DMD: variants seen among roughly 807,000 people sequenced by gnomAD.
DMD encodes the protein mutant dystrophin.
Under a neutral mutation model 330.1 loss-of-function variants are expected in DMD, and 63 were observed. That is an observed-to-expected ratio of 0.19 (90% CI 0.16 to 0.24). The LOEUF (loss-of-function observed/expected upper bound fraction) is 0.24, where lower values mean the gene tolerates loss of function less well. DMD is among the 10% of genes least tolerant of loss of function. DMD has a pLI of 1.00. For synonymous variants in DMD, 1,223 were observed against 959.8 expected, an observed-to-expected ratio of 1.27 and a Z score of -5.07; for missense variants, 3,344 against 2,684.1, an observed-to-expected ratio of 1.25 and a Z score of -5.43.
intron 16 of DMD, among the ~76,000 whole-genome samples, chrX:32,557,293 G>T (rs908894270): frequency 2.7e-5 from 3 of 110,762 alleles, no homozygotes; most frequent in Non-Finnish European, 5.7e-5. Flanking sequence ...CCTTTTAAGG[G>T]GTGTGTATTT....
chrX:32,930,327 C>G (rs1429565938), intron 2 of DMD, among the ~76,000 whole-genome samples: 3 of 110,069 alleles, frequency 2.7e-5, no homozygotes, highest in Non-Finnish European at 5.7e-5. Flanking sequence ...TGTCGGGGAC[C>G]ATCTCTGTAC....
intron 50 of DMD, among the ~76,000 whole-genome samples, chrX:31,811,301 G>C (rs2092449144): frequency 8.9e-6 from 1 of 112,230 alleles, no homozygotes; most frequent in South Asian, 3.7e-4. Context: ...TAACCAGTGA[G>C]CATTGTTGAA....
At chrX:32,001,674 A>T (rs1026582891) in intron 44 of DMD, among the ~76,000 whole-genome samples, 1 of 111,730 alleles carries the variant, frequency 9.0e-6, no homozygotes, top group East Asian at 2.8e-4. Flanking sequence ...TATTGGAGGT[A>T]AAAATCAAAT....
chrX:32,984,024 G>A (rs1017074373), intron 2 of DMD, among the ~76,000 whole-genome samples: 2 of 110,633 alleles, frequency 1.8e-5, no homozygotes, highest in Non-Finnish European at 3.8e-5. Flanking sequence ...GTCCTTTACC[G>A]TTTTTTTTAA....
In DMD at chrX:31,233,890, G is replaced by T. The variant is rs186338488; in HGVS notation, c.9287-10769C>A. 2.5e-3 allele frequency among the ~76,000 whole-genome samples: 274 copies of T among 111,023 alleles called. 3 individuals are homozygous for T. Among genetic ancestry groups the T allele is most frequent in the Admixed American group, 0.018 (190 of 10,465 alleles). The stretch of plus-strand genomic sequence containing the variant: ...AATTTAGTCTGCAGACTCTTTTTTT[G>T]TGTGTGTGTGTGTTTGATTCGTTGG... On this transcript the variant is annotated intron_variant, in intron 63 of 78. Transcript: ENST00000357033.
chrX:33,331,393 T>C (rs971790380), intron 1 of DMD, among the ~76,000 whole-genome samples: 2 of 112,074 alleles, frequency 1.8e-5, no homozygotes, highest in African/African-American at 6.5e-5. Flanking sequence ...TCACTTTCAA[T>C]AATCCAGCTT....
intron 43 of DMD, among the ~76,000 whole-genome samples, chrX:32,229,769 C>T (rs1420216529): frequency 2.2e-5 from 2 of 90,452 alleles, no homozygotes; most frequent in Non-Finnish European, 4.3e-5. Flanking sequence ...ACAAAACCAT[C>T]GCCACCATGA....
chrX:32,431,397 G>A (rs2098237665), intron 29 of DMD, among the ~76,000 whole-genome samples: 1 of 111,023 alleles, frequency 9.0e-6, no homozygotes, highest in Admixed American at 9.6e-5. Flanking sequence ...GAGCTCAACT[G>A]CTCATTTTTA....
chrX:32,543,625 A>C (rs186547730), intron 17 of DMD, among the ~76,000 whole-genome samples: 139 of 112,225 alleles, frequency 1.2e-3, no homozygotes, highest in African/African-American at 4.0e-3. Flanking sequence ...AGGAATAATA[A>C]AAGAAATTCA....
chrX:31,208,819 C>T (rs747672138), intron 65 of DMD, among the ~76,000 whole-genome samples: 10 of 109,249 alleles, frequency 9.2e-5, no homozygotes, highest in Non-Finnish European at 1.9e-4. Context: ...ATTCCTTCTG[C>T]TCCCTTCTTC....
At chrX:33,321,367 G>A (rs978661904) in intron 1 of DMD, among the ~76,000 whole-genome samples, 1 of 111,087 alleles carries the variant, frequency 9.0e-6, no homozygotes, top group Non-Finnish European at 1.9e-5. Flanking sequence ...GAGTCTCCTT[G>A]TACATCTCCA....
intron 44 of DMD, among the ~76,000 whole-genome samples, chrX:31,975,250 A>G (rs1451405877): frequency 8.9e-6 from 1 of 111,917 alleles, no homozygotes; most frequent in Non-Finnish European, 1.9e-5. Context: ...AAAGCATTCA[A>G]TCATTCTGTA....
At chrX:31,339,695 CCT>C (rs1434619284) in intron 61 of DMD, among the ~76,000 whole-genome samples, 1 of 111,791 alleles carries the variant, frequency 8.9e-6, no homozygotes, top group Non-Finnish European at 1.9e-5. Flanking sequence ...CCTGCCTCAG[CCT>C]CTCGAGTAGC....
intron 42 of DMD, among the ~76,000 whole-genome samples, chrX:32,288,711 C>T (rs1007636228): frequency 2.7e-5 from 3 of 112,096 alleles, no homozygotes; most frequent in Non-Finnish European, 1.9e-5. Flanking sequence ...ACACTTTATA[C>T]AAATAATCAG....
chrX:33,296,118 G>A (rs2053580152), intron 1 of DMD, among the ~76,000 whole-genome samples: 1 of 111,131 alleles, frequency 9.0e-6, no homozygotes, highest in African/African-American at 3.3e-5. Flanking sequence ...CCAATCAGCT[G>A]TTGACTTTTA....
At chrX:31,626,818 T>C (rs934507755) in intron 55 of DMD, among the ~76,000 whole-genome samples, 4 of 112,120 alleles carry the variant, frequency 3.6e-5, no homozygotes, top group Non-Finnish European at 7.5e-5. Flanking sequence ...TTTTTCATAA[T>C]AGTTTAAAAA....
intron 1 of DMD, among the ~76,000 whole-genome samples, chrX:33,028,824 TTA>T (rs1446059998): frequency 8.9e-6 from 1 of 112,124 alleles, no homozygotes; most frequent in South Asian, 3.7e-4. Context: ...GCATTATAAT[TTA>T]TAAAGTGATT....
At chrX:31,307,413 A>G (rs192477185) in intron 62 of DMD, among the ~76,000 whole-genome samples, 128 of 111,745 alleles carry the variant, frequency 1.1e-3, no homozygotes, top group Non-Finnish European at 1.7e-3. Context: ...ATAATTGGCA[A>G]TTTTGTTGAT....
intron 1 of DMD, among the ~76,000 whole-genome samples, chrX:33,151,454 T>A (rs2048281870): frequency 8.9e-6 from 1 of 112,527 alleles, no homozygotes; most frequent in Admixed American, 9.5e-5. Context: ...TAATGTGTCT[T>A]CTTTTAAAAA....
Sources: allele counts gnomAD v4.1 joint callset (sites outside exome capture counted in the v4.1 genomes callset), GRCh38; gene constraint gnomAD v4.1.1; transcripts MANE v1.5; gene names NCBI Gene and HGNC (gene_info 2026-07-23, HGNC 2026-07-21).